The following ACTN1 variants were observed in gnomAD, a reference collection of about 807,000 sequenced individuals.
The protein encoded by ACTN1 is alpha-actinin-1.
A neutral mutation model predicts 119.6 loss-of-function variants in ACTN1; 30 were observed. The observed-to-expected ratio is 0.25, with a 90% CI of 0.19 to 0.34. The LOEUF is 0.34. Ranked by LOEUF, ACTN1 falls within the 10% of genes least tolerant of loss-of-function variation. ACTN1 has a pLI of 1.00. For synonymous variants in ACTN1, 429 were observed against 472.6 expected, an observed-to-expected ratio of 0.91 and a Z score of 1.20; for missense variants, 764 against 1,223.4, an observed-to-expected ratio of 0.62 and a Z score of 5.60.
chr14:68,881,675 C>T (rs1020299996), intron 16 of ACTN1, among the ~76,000 whole-genome samples: 6 of 152,150 alleles, frequency 3.9e-5, no homozygotes, highest in Non-Finnish European at 2.9e-5. Context: ...ACTCAGAGGC[C>T]ATGCTCTAGC....
intron 1 of ACTN1, among the ~76,000 whole-genome samples, chr14:68,968,583 G>A (rs1343472128): frequency 6.6e-6 from 1 of 152,224 alleles, no homozygotes; most frequent in South Asian, 2.1e-4. Flanking sequence ...CTCCGGTGAG[G>A]GAAGGTTACG....
intron 8 of ACTN1, among the ~76,000 whole-genome samples, chr14:68,894,852 A>G (rs2032758990): frequency 6.6e-6 from 1 of 152,208 alleles, no homozygotes; most frequent in Non-Finnish European, 1.5e-5. Context: ...ACAGGTTTCA[A>G]CTGCAGCAAG....
At position 68,901,238 on chromosome 14, in the gene ACTN1, GTTTTT is replaced by G. The variant is rs2033303912; in HGVS notation, c.762+1234_762+1238del. ...TTTTGTTTTTTTTTTGTTTTGTTTT[GTTTTT>G]GTTTTGTTTTTTTTTTTTTTTTGAG... On this transcript the variant is annotated intron_variant, in intron 8 of 21. Transcript: ENST00000394419. 2.5e-5 allele frequency among the ~76,000 whole-genome samples: 3 copies of G among 121,524 alleles called. No homozygotes were observed. The East Asian group carries it at 7.0e-4, about 28-fold the overall frequency. The allele number at this position is 121,524 out of a possible 152,430, so 79.7% of individuals were successfully genotyped here.
intron 1 of ACTN1, among the ~76,000 whole-genome samples, chr14:68,940,717 G>T (rs1190253892): frequency 6.6e-6 from 1 of 151,420 alleles, no homozygotes; most frequent in Non-Finnish European, 1.5e-5. Flanking sequence ...CCTCTCCCCA[G>T]GGTCATTTCT....
chr14:68,884,279 G>C lies in ACTN1; in HGVS notation c.1524C>G (p.Asp508Glu). The C allele has an allele frequency of 6.2e-7, 1 of 1,614,178 alleles. No individual in the cohort carries two copies. The highest frequency in any genetic ancestry group is 8.5e-7 in the Non-Finnish European group (1 of 1,180,000). Residue 508 changes from aspartate to glutamate, a missense_variant, in exon 14 of 22, where the codon GAC (aspartate) becomes GAG (glutamate). Physicochemically the swap from Asp to Glu is conservative, Grantham distance 45. Coordinates refer to ENST00000394419, the MANE Select transcript of ACTN1 (RefSeq NM_001130004.2). Reference sequence around the variant, plus strand: ...GCTTGGCATACTCCAAGTACAGCTGGTCAATGGTCTCCAGCAGTTTCTCGG... The same window carrying C: ...GCTTGGCATACTCCAAGTACAGCTGCTCAATGGTCTCCAGCAGTTTCTCGG... ...ERTEKLLETIDQLYLEYAKRA... is the reference protein window; with the variant it reads ...ERTEKLLETIEQLYLEYAKRA...
intron 9 of ACTN1, 114 bp from the exon 10 acceptor site, chr14:68,892,397 A>C: frequency 9.5e-7 from 1 of 1,054,774 alleles, no homozygotes; most frequent in Non-Finnish European, 1.4e-6. Context: ...GTCTCTCCTA[A>C]TAGCACACTC....
In ACTN1 at chr14:68,885,225, T is replaced by C. The variant is rs968555247; in HGVS notation, c.1385+200A>G. 1.3e-5 allele frequency among the ~76,000 whole-genome samples: 2 copies of C among 152,064 alleles called. No homozygotes were observed. Among genetic ancestry groups the C allele is most frequent in the Non-Finnish European group, 2.9e-5 (2 of 67,982 alleles). ...TAGCTACAGGCGAGAACTGGTGGCC[T>C]TTAACAGGATGGCAGTGGTCCCGGG... On this transcript the variant is annotated intron_variant, in intron 12 of 21. Transcript: ENST00000394419. The surrounding 1 kb of genome is among the most constrained non-coding windows in gnomAD (Gnocchi z 5.6).
intron 1 of ACTN1, among the ~76,000 whole-genome samples, chr14:68,975,083 G>A (rs1418516914): frequency 6.6e-6 from 1 of 152,206 alleles, no homozygotes; most frequent in Admixed American, 6.5e-5. Flanking sequence ...CACCTTGACT[G>A]GTGGCCTTGG....
At chr14:68,963,128 G>A (rs1023694943) in intron 1 of ACTN1, among the ~76,000 whole-genome samples, 10 of 151,884 alleles carry the variant, frequency 6.6e-5, no homozygotes, top group African/African-American at 1.2e-4. Flanking sequence ...CCCTGCCCCC[G>A]CACCCGCTTG....
At chr14:68,958,477 A>G (rs1011163052) in intron 1 of ACTN1, among the ~76,000 whole-genome samples, 3 of 152,122 alleles carry the variant, frequency 2.0e-5, no homozygotes, top group African/African-American at 7.2e-5. Flanking sequence ...AGTTTGCTGT[A>G]GTTTCCAAAT....
intron 1 of ACTN1, among the ~76,000 whole-genome samples, chr14:68,944,288 G>A (rs551683951): frequency 6.6e-6 from 1 of 152,358 alleles, no homozygotes; most frequent in South Asian, 2.1e-4. Context: ...GATGATGTGT[G>A]CCAGAGTGTG....
At chr14:68,947,268 C>G (rs2035973882) in intron 1 of ACTN1, 1 of 152,212 alleles carries the variant, frequency 6.6e-6, no homozygotes, top group South Asian at 2.1e-4. Flanking sequence ...TATAGGAAGT[C>G]TGTCTCACCA....
At chr14:68,930,980 G>C (rs1262154171) in intron 1 of ACTN1, among the ~76,000 whole-genome samples, 1 of 152,156 alleles carries the variant, frequency 6.6e-6, no homozygotes, top group African/African-American at 2.4e-5. Flanking sequence ...AAAAAAGAGA[G>C]GGTGAGAGGC....
intron 14 of ACTN1, among the ~76,000 whole-genome samples, chr14:68,883,796 A>C: frequency 6.6e-6 from 1 of 152,086 alleles, no homozygotes; most frequent in East Asian, 1.9e-4. Flanking sequence ...TAAAATAAAT[A>C]AAAATCAAGG....
rs141024646 is a variant in ACTN1 at position 68,881,322 on chromosome 14, C to T, written c.1954-333G>A. Among the ~76,000 whole-genome samples the T allele has an allele frequency of 2.2e-3, 340 of 152,246 alleles. 1 individual carries two copies. Among genetic ancestry groups the T allele is most frequent in the African/African-American group, 7.8e-3 (325 of 41,526 alleles). The stretch of plus-strand genomic sequence containing the variant: ...TGCTTGCCATTCAAATGCCCTTTCC[C>T]AAGTCTTGTCCATCTCAGGGACCCA... On this transcript the variant is annotated intron_variant, in intron 16 of 21. Coordinates refer to ENST00000394419, the MANE Select transcript of ACTN1 (RefSeq NM_001130004.2).
rs1355918035 is a variant in ACTN1, at chr14:68,878,845, G to GACAGAGAC, written c.2361+136_2361+143dup. On this transcript the variant is annotated intron_variant, in intron 19 of 21. Coordinates refer to ENST00000394419, the MANE Select transcript of ACTN1 (RefSeq NM_001130004.2). This position sits in a 1 kb window ranked among gnomAD's most constrained non-coding sequence, Gnocchi z 4.4. ...CAGAGGGTGGACCAGTGATGGGGCA[G>GACAGAGAC]ACAGAGACAGCAGGAGAGGACGAGC... 4 of 1,594,936 alleles carry GACAGAGAC rather than the reference G, an allele frequency of 2.5e-6. No individual in the cohort carries two copies. The highest frequency in any genetic ancestry group is 2.7e-5 in the African/African-American group (2 of 74,758).
intron 1 of ACTN1, among the ~76,000 whole-genome samples, chr14:68,957,720 T>C (rs1041328764): frequency 3.3e-5 from 5 of 152,084 alleles, no homozygotes; most frequent in East Asian, 1.9e-4. Flanking sequence ...CCACAACCAG[T>C]ACCCTGGTCA....
intron 3 of ACTN1, among the ~76,000 whole-genome samples, chr14:68,915,240 C>T (rs1482099667): frequency 6.6e-6 from 1 of 151,748 alleles, no homozygotes; most frequent in African/African-American, 2.4e-5. Context: ...CTCTTGTTCC[C>T]CCTCCTCCCC....
At chr14:68,967,653 G>A (rs958881399) in intron 1 of ACTN1, among the ~76,000 whole-genome samples, 2 of 152,242 alleles carry the variant, frequency 1.3e-5, no homozygotes, top group Admixed American at 1.3e-4. Flanking sequence ...TCCTAGCCCA[G>A]GTACTAACTG....
Sources: allele counts gnomAD v4.1 joint callset (sites outside exome capture counted in the v4.1 genomes callset), GRCh38; gene constraint gnomAD v4.1.1; non-coding constraint Gnocchi (gnomAD v3.1); transcripts MANE v1.5; gene names NCBI Gene and HGNC (gene_info 2026-07-23, HGNC 2026-07-21).